Variants in ZNF81 observed in about 807,000 individuals in gnomAD.
The protein encoded by ZNF81 is zinc finger protein 81, also known as zinc finger protein 81 (HFZ20).
A neutral mutation model predicts 32.3 loss-of-function variants in ZNF81; 5 were observed. The ratio of observed to expected loss-of-function variants is 0.15; its 90% CI spans 0.08 to 0.33. The LOEUF (loss-of-function observed/expected upper bound fraction) is 0.33, where lower values mean the gene tolerates loss of function less well. ZNF81 is among the 10% of genes least tolerant of loss of function. ZNF81 has a pLI of 1.00. For missense variants in ZNF81, 379 were observed against 479.8 expected (o/e 0.79, Z 1.96); for synonymous variants, 163 against 166.8 (o/e 0.98, Z 0.17).
chrX:47,902,461 G>A (rs892017036), intron 4 of ZNF81, among the ~76,000 whole-genome samples: 2 of 111,266 alleles, frequency 1.8e-5, no homozygotes, highest in Non-Finnish European at 3.8e-5. Flanking sequence ...TGATGTAATC[G>A]ACATACATAG....
rs1404889781 is a variant in ZNF81 at position 47,852,598 on chromosome X, C to CCGT, written c.54+6278_54+6280dup. Among the ~76,000 whole-genome samples the CCGT allele has an allele frequency of 2.7e-5, 3 of 112,387 alleles. No homozygotes were observed. The East Asian group carries it at 8.3e-4, about 31-fold the overall frequency. On this transcript the variant is annotated intron_variant, in intron 2 of 4. Transcript: ENST00000338637. ...TTATCCATAAGAAAAAACTCCTCATCCGTTAAAGTTTTATCATGAGATGGC... is the reference window on the plus strand; with the variant it reads ...TTATCCATAAGAAAAAACTCCTCATCCGTCGTTAAAGTTTTATCATGAGATGGC...
intron 2 of ZNF81, among the ~76,000 whole-genome samples, chrX:47,877,198 A>C (rs4066010): frequency 0.068 from 7,458 of 109,552 alleles, 294 homozygotes; most frequent in African/African-American, 0.16. Context: ...ATTTGGGTGC[A>C]CCCCCCCGCA....
intron 4 of ZNF81, among the ~76,000 whole-genome samples, chrX:47,911,497 G>A (rs1603208733): frequency 9.0e-6 from 1 of 110,942 alleles, no homozygotes; most frequent in African/African-American, 3.3e-5. Context: ...GTAAGAGCTC[G>A]TATCTTATTT....
intron 2 of ZNF81, among the ~76,000 whole-genome samples, chrX:47,870,535 T>C (rs1417458102): frequency 1.8e-5 from 2 of 113,029 alleles, no homozygotes; most frequent in Admixed American, 1.9e-4. Context: ...GGTCTTACTC[T>C]GATTCAATCT....
intron 4 of ZNF81, among the ~76,000 whole-genome samples, chrX:47,898,878 T>A (rs1556887564): frequency 8.9e-6 from 1 of 111,929 alleles, no homozygotes; most frequent in Non-Finnish European, 1.9e-5. Context: ...ATTGCTAATA[T>A]AAAGTTTTTT....
intron 2 of ZNF81, among the ~76,000 whole-genome samples, chrX:47,885,493 C>G (rs1184133540): frequency 1.8e-5 from 2 of 111,808 alleles, no homozygotes; most frequent in Admixed American, 9.5e-5. Flanking sequence ...TAACAACATT[C>G]CTGAGATTTG....
In ZNF81 at chrX:47,918,413, A is replaced by G. The variant is rs188590973; in HGVS notation, c.*1781A>G. The G allele has an allele frequency of 9.0e-5, 10 of 111,441 alleles. No individual in the cohort carries two copies. The highest frequency in any genetic ancestry group is 2.0e-4 in the African/African-American group (6 of 30,690). 9.2% of individuals were successfully genotyped at this position (111,441 alleles called of 1,213,427 possible). A position where few individuals can be genotyped will look rare whatever the true frequency, so the allele number is the denominator to read the frequency against. ...TTAAGGGCTTCTAAAAATCTTCATG[A>G]CGTTGTCCCATAGAAGCCTGACATA... On this transcript the variant is annotated 3_prime_UTR_variant, in exon 5 of 5. Transcript: ENST00000338637.
chrX:47,897,052 G>A (rs1232310338), intron 4 of ZNF81, among the ~76,000 whole-genome samples: 1 of 112,017 alleles, frequency 8.9e-6, no homozygotes, highest in Non-Finnish European at 1.9e-5. Context: ...GTATGTCTTT[G>A]TGTGAACATA....
Position 47,888,093 on chromosome X carries a change from T to C in ZNF81, c.149T>C (p.Met50Thr), listed in dbSNP as rs782714829. The C allele has an allele frequency of 8.3e-7, 1 of 1,210,427 alleles. No homozygotes were observed. Among genetic ancestry groups the C allele is most frequent in the Admixed American group, 2.2e-5 (1 of 45,854 alleles). Residue 50 changes from methionine (M) to threonine (T), a missense_variant, in exon 3 of 5, where the codon ATG becomes ACG. This residue lies in a region of ZNF81 where 277 missense variants were observed against 306.6 expected (regional missense o/e 0.90). Coordinates refer to ENST00000338637, the MANE Select transcript of ZNF81 (RefSeq NM_007137.5). ...STQRRLYQDV[M>T]LENYSHLLSV... ...CAAAGACGCCTGTACCAGGATGTAA[T>C]GTTGGAGAACTACAGCCACCTGCTC...
intron 2 of ZNF81, among the ~76,000 whole-genome samples, chrX:47,868,770 C>T (rs782264079): frequency 1.4e-4 from 15 of 110,351 alleles, no homozygotes; most frequent in Non-Finnish European, 2.1e-4. Context: ...TGGCTGTCCC[C>T]GAACAGGCCT....
chrX:47,878,508 TG>T (rs2058608496), intron 2 of ZNF81, among the ~76,000 whole-genome samples: 2 of 112,577 alleles, frequency 1.8e-5, no homozygotes, highest in South Asian at 7.3e-4. Flanking sequence ...ATCCCCCGAT[TG>T]GGGGGAACCT....
At chrX:47,911,751 T>G (rs1376339972) in intron 4 of ZNF81, among the ~76,000 whole-genome samples, 1 of 111,747 alleles carries the variant, frequency 8.9e-6, no homozygotes, top group African/African-American at 3.3e-5. Context: ...GCAAAATGAA[T>G]AGCATAGAGA....
intron 2 of ZNF81, among the ~76,000 whole-genome samples, chrX:47,856,575 G>A (rs782550609): frequency 1.2e-4 from 13 of 111,913 alleles, no homozygotes; most frequent in South Asian, 7.3e-4. Flanking sequence ...GAAAAACATC[G>A]TCAGCAGATA....
At chrX:47,849,672 C>CA (rs1174293911) in intron 2 of ZNF81, among the ~76,000 whole-genome samples, 197 of 62,375 alleles carry the variant, frequency 3.2e-3, no homozygotes, top group Middle Eastern at 9.9e-3. Flanking sequence ...GACTCCGTCT[C>CA]AAAAAAAAAA....
chrX:47,859,102 AAAAG>A (rs1476127551), intron 2 of ZNF81, among the ~76,000 whole-genome samples: 10 of 110,481 alleles, frequency 9.1e-5, no homozygotes, highest in South Asian at 3.7e-4. Flanking sequence ...CAAAAAAAAA[AAAAG>A]AAAGAAAAGA....
chrX:47,839,029 C>G (rs782661854), intron 1 of ZNF81, among the ~76,000 whole-genome samples: 4 of 111,790 alleles, frequency 3.6e-5, no homozygotes, highest in Non-Finnish European at 7.5e-5. Context: ...AAATAGTCCT[C>G]CTGCCTCAGC....
intron 2 of ZNF81, chrX:47,861,065 A>G (rs2058538537): frequency 1.8e-5 from 2 of 112,196 alleles, no homozygotes; most frequent in South Asian, 3.7e-4. Context: ...ACTGAGTTCT[A>G]TGAGCTATTC....
In ZNF81 at chrX:47,924,813, T is replaced by C. The variant is rs782127595; in HGVS notation, c.*8181T>C. Among the ~76,000 whole-genome samples the C allele has an allele frequency of 2.7e-5, 3 of 111,500 alleles. No individual in the cohort carries two copies. Among genetic ancestry groups the C allele is most frequent in the Non-Finnish European group, 5.7e-5 (3 of 53,023 alleles). Reference sequence around the variant, plus strand: ...ATTCCAGGTTAATAAAGATTATATATATATATACCCAAAGAAGAGGATGGA... The same window carrying C: ...ATTCCAGGTTAATAAAGATTATATACATATATACCCAAAGAAGAGGATGGA... On this transcript the variant is annotated 3_prime_UTR_variant, in exon 5 of 5. Transcript: ENST00000338637.
intron 2 of ZNF81, among the ~76,000 whole-genome samples, chrX:47,847,686 C>T (rs2058476430): frequency 8.9e-6 from 1 of 111,774 alleles, no homozygotes; most frequent in African/African-American, 3.3e-5. Context: ...TCTTCCTTGG[C>T]TTACCCCTTC....
Sources: allele counts gnomAD v4.1 joint callset (sites outside exome capture counted in the v4.1 genomes callset), GRCh38; gene constraint gnomAD v4.1.1; regional missense constraint gnomAD v4.1.1; transcripts MANE v1.5; gene names NCBI Gene and HGNC (gene_info 2026-07-23, HGNC 2026-07-21).